ALDOC: variants seen among roughly 807,000 people sequenced by gnomAD.
ALDOC encodes the protein fructose-bisphosphate aldolase C.
In ALDOC, 23 loss-of-function variants were observed where a neutral mutation model predicts 39.5. That is an observed-to-expected ratio of 0.58 (90% confidence interval 0.42 to 0.82). The LOEUF is 0.82. Ranked by LOEUF, ALDOC falls within the 40% of genes least tolerant of loss-of-function variation. The pLI, the probability that ALDOC is intolerant of heterozygous loss-of-function variation, is 0.00. For missense variants in ALDOC, 356 were observed against 479.1 expected, an observed-to-expected ratio of 0.74 and a Z score of 2.40; for synonymous variants, 160 against 182.6, an observed-to-expected ratio of 0.88 and a Z score of 1.00.
At position 28,575,316 on chromosome 17, in the gene ALDOC, AG is replaced by A. The variant is rs753752301; in HGVS notation, c.130del (p.Leu44Ter). 6.2e-7 allele frequency: 1 copy of A among 1,614,204 alleles called. No individual in the cohort carries two copies. On this transcript the variant is annotated frameshift_variant, in exon 3 of 9. Coordinates refer to ENST00000226253, the MANE Select transcript of ALDOC (RefSeq NM_005165.3). LOFTEE classifies it high-confidence loss of function. The surrounding 1 kb of genome is among the most constrained non-coding windows in gnomAD (Gnocchi z 4.3). Reference sequence around the variant, plus strand: ...TGTGTTTTCCACCCCAATTTGGCTCAGCCGCTTGGCCATGCTGCCTAGGGGC... The same window carrying A: ...TGTGTTTTCCACCCCAATTTGGCTCACCGCTTGGCCATGCTGCCTAGGGGC... ...DESVGSMAKR[L>X]SQIGVENTEE...
Position 28,573,636 on chromosome 17 carries a change from G to A in ALDOC, c.1000-15C>T, listed in dbSNP as rs1436770878. 64 of 1,613,922 alleles carry A rather than the reference G, an allele frequency of 4.0e-5. No individual in the cohort carries two copies. The highest frequency in any genetic ancestry group is 1.6e-4 in the Middle Eastern group (1 of 6,084). The stretch of plus-strand genomic sequence containing the variant: ...AGCCCATTCACCTGCAAAAGGGAGC[G>A]TGGAGTAAGCAGGCTGAGCCAGCCC... On this transcript the variant is annotated splice_polypyrimidine_tract_variant and intron_variant, in intron 8 of 8. Transcript: ENST00000226253. This position sits in a 1 kb window ranked among gnomAD's most constrained non-coding sequence, Gnocchi z 4.3.
chr17:28,575,842 C>T lies in ALDOC; in HGVS notation c.-12-298G>A, dbSNP rs1434551135. ...CAGCTCTTCTGATAAATCTGCTGCC[C>T]AATCAAGGATGCCAACCCTTCTTTC... On this transcript the variant is annotated intron_variant, in intron 1 of 8. Transcript: ENST00000226253. This position sits in a 1 kb window ranked among gnomAD's most constrained non-coding sequence, Gnocchi z 4.3. 1.7e-6 allele frequency: 1 copy of T among 579,854 alleles called. No individual in the cohort carries two copies. The highest frequency in any genetic ancestry group is 2.5e-6 in the Non-Finnish European group (1 of 394,056). 35.9% of individuals were successfully genotyped at this position (579,854 alleles called of 1,614,324 possible).
chr17:28,574,482 G>T lies in ALDOC; in HGVS notation c.624+12C>A. 1.1e-5 allele frequency: 18 copies of T among 1,613,534 alleles called. No homozygotes were observed. The highest frequency in any genetic ancestry group is 1.5e-5 in the Non-Finnish European group (18 of 1,179,490). ...CCCTGCAGTATGTTTGTGTGCCCAG[G>T]TGTGGACTCACCTTCTCTGTAACAT... On this transcript the variant is annotated intron_variant, in intron 6 of 8. Coordinates refer to ENST00000226253, the MANE Select transcript of ALDOC (RefSeq NM_005165.3).
Position 28,573,931 on chromosome 17 carries a change from A to G in ALDOC, c.803T>C (p.Val268Ala). 1 of 1,614,026 alleles carries G rather than the reference A, an allele frequency of 6.2e-7. No homozygotes were observed. The highest frequency in any genetic ancestry group is 8.5e-7 in the Non-Finnish European group (1 of 1,180,002). Residue 268 changes from valine to alanine, a missense_variant, in exon 8 of 9, where the codon GTG (valine) becomes GCG (alanine). By Grantham distance (64) the Val-to-Ala change is moderately conservative. Coordinates refer to ENST00000226253, the MANE Select transcript of ALDOC (RefSeq NM_005165.3). This position sits in a 1 kb window ranked among gnomAD's most constrained non-coding sequence, Gnocchi z 4.3. The stretch of plus-strand genomic sequence containing the variant: ...GCTCTGACCCCCAGACAGGAAGGTC[A>G]CTCCTAGTGTGGAGGAGAGAAGACA... ...RRTVPPAVPG[V>A]TFLSGGQSEE... is the part of the protein sequence containing the mutation.
intron 4 of ALDOC, 26 bp from the exon 5 acceptor site, chr17:28,574,882 A>T: frequency 6.2e-7 from 1 of 1,613,950 alleles, no homozygotes; most frequent in Non-Finnish European, 8.5e-7. Flanking sequence ...CAACCTCATT[A>T]CTCTGCCCCT....
In ALDOC at chr17:28,575,863, C is replaced by G; in HGVS notation, c.-12-319G>C. Reference sequence around the variant, plus strand: ...TGCCCAATCAAGGATGCCAACCCTTCTTTCACTGAACTTGGTCCCTTGTTG... The same window carrying G: ...TGCCCAATCAAGGATGCCAACCCTTGTTTCACTGAACTTGGTCCCTTGTTG... On this transcript the variant is annotated intron_variant, in intron 1 of 8. Coordinates refer to ENST00000226253, the MANE Select transcript of ALDOC (RefSeq NM_005165.3). This position sits in a 1 kb window ranked among gnomAD's most constrained non-coding sequence, Gnocchi z 4.3. 1 of 706,962 alleles carries G rather than the reference C, an allele frequency of 1.4e-6. No homozygotes were observed. The highest frequency in any genetic ancestry group is 1.9e-6 in the Non-Finnish European group (1 of 523,422). 43.8% of individuals were successfully genotyped at this position (706,962 alleles called of 1,614,324 possible). A position where few individuals can be genotyped will look rare whatever the true frequency, so the allele number is the denominator to read the frequency against.
At position 28,574,888 on chromosome 17, in the gene ALDOC, C is replaced by T. The variant is rs1273365634; in HGVS notation, c.380-32G>A. ...GCACAGTGCCAACCTCATTACTCTG[C>T]CCCTCTTTTACCAGCATCAACTATC... is the stretch of plus-strand genomic sequence containing the variant. On this transcript the variant is annotated intron_variant, in intron 4 of 8. Coordinates refer to ENST00000226253, the MANE Select transcript of ALDOC (RefSeq NM_005165.3). The T allele has an allele frequency of 3.1e-6, 5 of 1,614,062 alleles. No individual in the cohort carries two copies. The Admixed American group carries it at 8.3e-5, about 27-fold the overall frequency.
intron 6 of ALDOC, 89 bp from the exon 7 acceptor site, chr17:28,574,330 G>C: frequency 6.9e-7 from 1 of 1,458,194 alleles, no homozygotes; most frequent in Non-Finnish European, 9.4e-7. Flanking sequence ...GATGGGCACA[G>C]ACTGTGAGGG....
Position 28,574,514 on chromosome 17 carries a change from A to G in ALDOC, c.604T>C (p.Cys202Arg), listed in dbSNP as rs751380353. ...LPDGDHDLKR[C>R]QYVTEKVLAA... The stretch of plus-strand genomic sequence containing the variant: ...CTCACCTTCTCTGTAACATACTGAC[A>G]ACGTTTGAGGTCGTGGTCTCCATCA... Residue 202 changes from cysteine to arginine, a missense_variant, in exon 6 of 9, where the codon TGT (cysteine) becomes CGT (arginine). Transcript: ENST00000226253. 4.2e-5 allele frequency: 67 copies of G among 1,614,098 alleles called. 1 individual carries two copies. In the South Asian group the frequency reaches 6.3e-4, roughly 15 times the overall value.
At position 28,573,780 on chromosome 17, in the gene ALDOC, C is replaced by T; in HGVS notation, c.954G>A (p.Arg318=). The T allele has an allele frequency of 6.2e-7, 1 of 1,614,202 alleles. No homozygotes were observed. Among genetic ancestry groups the T allele is most frequent in the Non-Finnish European group, 8.5e-7 (1 of 1,180,040 alleles). Residue 318 remains arginine (R), a synonymous_variant, in exon 8 of 9, where the codon CGG becomes CGA. Transcript: ENST00000226253. This position sits in a 1 kb window ranked among gnomAD's most constrained non-coding sequence, Gnocchi z 4.3. ...ASALNAWRGQ[R]DNAGAATEEF... is the part of the protein sequence containing the mutation. Reference sequence around the variant, plus strand: ...CCTCAGTGGCAGCCCCAGCATTGTCCCGTTGCCCTCGCCAGGCATTGAGTG... The same window carrying T: ...CCTCAGTGGCAGCCCCAGCATTGTCTCGTTGCCCTCGCCAGGCATTGAGTG...
In ALDOC at chr17:28,574,489, C is replaced by T; in HGVS notation, c.624+5G>A. The T allele has an allele frequency of 6.2e-7, 1 of 1,613,988 alleles. No individual in the cohort carries two copies. The highest frequency in any genetic ancestry group is 8.5e-7 in the Non-Finnish European group (1 of 1,179,920). On this transcript the variant is annotated splice_donor_5th_base_variant and intron_variant, in intron 6 of 8. Coordinates refer to ENST00000226253, the MANE Select transcript of ALDOC (RefSeq NM_005165.3). ...GTATGTTTGTGTGCCCAGGTGTGGA[C>T]TCACCTTCTCTGTAACATACTGACA...
Position 28,575,819 on chromosome 17 carries a change from G to T in ALDOC, c.-12-275C>A. The stretch of plus-strand genomic sequence containing the variant: ...GGAGGTGAGCAGCCCTGAAGCCACA[G>T]CTCTTCTGATAAATCTGCTGCCCAA... On this transcript the variant is annotated intron_variant, in intron 1 of 8. Transcript: ENST00000226253. The surrounding 1 kb of genome is among the most constrained non-coding windows in gnomAD (Gnocchi z 4.3). 1 of 565,422 alleles carries T rather than the reference G, an allele frequency of 1.8e-6. No individual in the cohort carries two copies. The highest frequency in any genetic ancestry group is 2.8e-6 in the Non-Finnish European group (1 of 362,858). The allele number at this position is 565,422 out of a possible 1,614,324, so 35.0% of individuals were successfully genotyped here.
Sources: gnomAD v4.1 joint callset for allele counts on GRCh38, gnomAD v4.1.1 for gene constraint, Gnocchi (gnomAD v3.1) non-coding constraint, MANE v1.5 for transcripts, NCBI Gene and HGNC (gene_info 2026-07-23, HGNC 2026-07-21) for gene names.